RGS18: variants seen among roughly 807,000 people sequenced by gnomAD.
The protein encoded by RGS18 is regulator of G protein signaling 18.
RGS18 carries 22 observed loss-of-function variants against 27.6 expected under a neutral mutation model. The ratio of observed to expected loss-of-function variants is 0.80; its 90% CI spans 0.57 to 1.14. The LOEUF (loss-of-function observed/expected upper bound fraction) is 1.14, where lower values mean the gene tolerates loss of function less well. RGS18 is among the 50% of genes most tolerant of loss of function. The pLI is 0.00. For synonymous variants in RGS18, 89 were observed against 84.6 expected (o/e 1.05, Z -0.29); for missense variants, 299 against 269.6 (o/e 1.11, Z -0.76).
At chr1:192,171,360 T>G (rs1050418837) in intron 3 of RGS18, among the ~76,000 whole-genome samples, 2 of 152,096 alleles carry the variant, frequency 1.3e-5, no homozygotes, top group East Asian at 3.9e-4. Flanking sequence ...CAGACAGTTG[T>G]GTTTGACTAG....
At chr1:192,169,157 G>C (rs2102154293) in intron 3 of RGS18, 1 of 152,216 alleles carries the variant, frequency 6.6e-6, no homozygotes, top group African/African-American at 2.4e-5. Flanking sequence ...TCTTTTAGCT[G>C]ACAGTACAAA....
chr1:192,158,513 T>G lies in RGS18; in HGVS notation c.-125T>G. 1.2e-6 allele frequency: 1 copy of G among 865,322 alleles called. No individual in the cohort carries two copies. The highest frequency in any genetic ancestry group is 1.6e-6 in the Non-Finnish European group (1 of 632,256). 53.6% of individuals were successfully genotyped at this position (865,322 alleles called of 1,614,324 possible). On this transcript the variant is annotated 5_prime_UTR_variant, in exon 1 of 5. Coordinates refer to ENST00000367460, the MANE Select transcript of RGS18 (RefSeq NM_130782.3). ...AGAAACGCAGCTCTTGACTTCTTTT[T>G]TGTAAACATTACTGTAAGAGTTGTG...
chr1:192,173,060 T>C (rs181463273), intron 3 of RGS18, among the ~76,000 whole-genome samples: 1,952 of 151,512 alleles, frequency 0.013, 26 homozygotes, highest in Middle Eastern at 0.055. Context: ...ATGTTATAAA[T>C]GCAAAACCTC....
chr1:192,178,112 AT>A (rs199567984), intron 3 of RGS18, among the ~76,000 whole-genome samples: 51 of 151,202 alleles, frequency 3.4e-4, no homozygotes, highest in African/African-American at 1.0e-3. Context: ...TGAAAGGGGA[AT>A]TTTTTTTTAA....
At position 192,184,900 on chromosome 1, in the gene RGS18, G is replaced by A; in HGVS notation, c.*346G>A. The A allele has an allele frequency of 4.6e-6, 1 of 215,640 alleles. No individual in the cohort carries two copies. 13.4% of individuals were successfully genotyped at this position (215,640 alleles called of 1,614,324 possible). The stretch of plus-strand genomic sequence containing the variant: ...AAAAGTTCAAACAAAAGTCTAGTTG[G>A]GATTTTTTACCAAAGCAGCATAATA... On this transcript the variant is annotated 3_prime_UTR_variant, in exon 5 of 5. Coordinates refer to ENST00000367460, the MANE Select transcript of RGS18 (RefSeq NM_130782.3).
chr1:192,174,862 A>G (rs1271096978), intron 3 of RGS18, among the ~76,000 whole-genome samples: 1 of 151,808 alleles, frequency 6.6e-6, no homozygotes, highest in Non-Finnish European at 1.5e-5. Flanking sequence ...CTGACTTTTA[A>G]TTGGAATGTT....
At chr1:192,159,171 T>G in intron 1 of RGS18, 49 bp from the exon 2 acceptor site, 2 of 1,387,808 alleles carry the variant, frequency 1.4e-6, no homozygotes, top group Non-Finnish European at 2.0e-6. Context: ...GCAGGAGAGA[T>G]TTTAACTGTC....
At chr1:192,182,973 A>G (rs1656481224) in intron 4 of RGS18, among the ~76,000 whole-genome samples, 1 of 151,548 alleles carries the variant, frequency 6.6e-6, no homozygotes, top group African/African-American at 2.4e-5. Flanking sequence ...CAAGTGGAAA[A>G]CAATTGAGAT....
chr1:192,169,282 C>A (rs1003908817), intron 3 of RGS18: 6 of 152,048 alleles, frequency 3.9e-5, no homozygotes, highest in Non-Finnish European at 5.9e-5. Context: ...ACTGATCAAT[C>A]CACGCTTATG....
At chr1:192,173,801 T>C (rs1250363528) in intron 3 of RGS18, among the ~76,000 whole-genome samples, 1 of 151,816 alleles carries the variant, frequency 6.6e-6, no homozygotes, top group Non-Finnish European at 1.5e-5. Flanking sequence ...TGCTTCCTAA[T>C]GTGAAAGACT....
intron 4 of RGS18, among the ~76,000 whole-genome samples, chr1:192,184,091 T>C (rs553301596): frequency 6.6e-6 from 1 of 151,596 alleles, no homozygotes; most frequent in Non-Finnish European, 1.5e-5. Context: ...TCCACCCCCA[T>C]GATCCAATAA....
chr1:192,175,325 A>AT (rs56823855), intron 3 of RGS18, among the ~76,000 whole-genome samples: 2 of 151,078 alleles, frequency 1.3e-5, no homozygotes, highest in African/African-American at 4.9e-5. Flanking sequence ...TATATCACTA[A>AT]TTTTTTTTTT....
chr1:192,159,589 T>C (rs1156553464), intron 2 of RGS18, among the ~76,000 whole-genome samples: 1 of 152,194 alleles, frequency 6.6e-6, no homozygotes, highest in African/African-American at 2.4e-5. Flanking sequence ...TTACTCCTTA[T>C]AACCTGATAA....
At chr1:192,182,471 C>G (rs1409693056) in intron 4 of RGS18, among the ~76,000 whole-genome samples, 1 of 151,552 alleles carries the variant, frequency 6.6e-6, no homozygotes, top group East Asian at 2.0e-4. Context: ...CAAAATGGCA[C>G]TTTATGTCTT....
intron 3 of RGS18, among the ~76,000 whole-genome samples, chr1:192,164,725 C>T (rs1656134291): frequency 6.6e-6 from 1 of 152,130 alleles, no homozygotes; most frequent in Admixed American, 6.5e-5. Context: ...GAAGCTATGG[C>T]AGAAGAATAT....
At position 192,184,380 on chromosome 1, in the gene RGS18, C is replaced by A. The variant is rs200413117; in HGVS notation, c.534C>A (p.Ser178Arg). The A allele has an allele frequency of 3.7e-6, 6 of 1,611,856 alleles. No individual in the cohort carries two copies. Among genetic ancestry groups the A allele is most frequent in the Middle Eastern group, 1.7e-4 (1 of 6,052 alleles). Residue 178 changes from serine (S) to arginine (R), a missense_variant, in exon 5 of 5, where the codon AGC becomes AGA. Transcript: ENST00000367460. ...PTLHSFDAAQ[S>R]RVYQLMEQDS... Reference sequence around the variant, plus strand: ...TCCACAGTTTTGATGCTGCACAAAGCAGAGTGTATCAGCTCATGGAACAAG... The same window carrying A: ...TCCACAGTTTTGATGCTGCACAAAGAAGAGTGTATCAGCTCATGGAACAAG...
At chr1:192,160,538 T>C in intron 3 of RGS18, 99 bp downstream of exon 3, 2 of 745,270 alleles carry the variant, frequency 2.7e-6, no homozygotes, top group South Asian at 1.9e-5. Flanking sequence ...AATTTTTGTC[T>C]GATTGTTAAT....
At chr1:192,167,133 A>G (rs1186630339) in intron 3 of RGS18, among the ~76,000 whole-genome samples, 1 of 152,158 alleles carries the variant, frequency 6.6e-6, no homozygotes, top group Non-Finnish European at 1.5e-5. Context: ...AATTTGTAAC[A>G]TGTAGGATGG....
intron 3 of RGS18, among the ~76,000 whole-genome samples, chr1:192,180,364 GA>G: frequency 6.6e-6 from 1 of 151,460 alleles, no homozygotes. Flanking sequence ...TTTAAATATT[GA>G]AAAACTAAGA....
Sources: allele counts gnomAD v4.1 joint callset (sites outside exome capture counted in the v4.1 genomes callset), GRCh38; gene constraint gnomAD v4.1.1; transcripts MANE v1.5; gene names NCBI Gene and HGNC (gene_info 2026-07-23, HGNC 2026-07-21).